CNTN5: variants seen among roughly 807,000 people sequenced by gnomAD.
CNTN5 encodes the protein contactin-5.
A neutral mutation model predicts 129.1 loss-of-function variants in CNTN5; 77 were observed. The observed-to-expected ratio is 0.60, with a 90% CI of 0.50 to 0.72. The LOEUF (loss-of-function observed/expected upper bound fraction) is 0.72. CNTN5 is among the 30% of genes least tolerant of loss of function. The pLI, the probability that CNTN5 is intolerant of heterozygous loss-of-function variation, is 0.00. For synonymous variants in CNTN5, 509 were observed against 465.6 expected (o/e 1.09, Z -1.20); for missense variants, 1,478 against 1,328.8 (o/e 1.11, Z -1.75).
intron 16 of CNTN5, among the ~76,000 whole-genome samples, chr11:100,247,277 A>T (rs1949860806): frequency 6.6e-6 from 1 of 152,192 alleles, no homozygotes. Context: ...GATAATGATG[A>T]TGGTAACAGA....
intron 3 of CNTN5, among the ~76,000 whole-genome samples, chr11:99,635,532 A>G (rs575612459): frequency 6.6e-6 from 1 of 151,872 alleles, no homozygotes; most frequent in Non-Finnish European, 1.5e-5. Flanking sequence ...TCTACTCCCT[A>G]CCTTTCTGCT....
intron 2 of CNTN5, among the ~76,000 whole-genome samples, chr11:99,517,134 T>C (rs1947086217): frequency 6.6e-6 from 1 of 152,142 alleles, no homozygotes; most frequent in Non-Finnish European, 1.5e-5. Flanking sequence ...ATCTCTCTTT[T>C]AAAGACCAGT....
chr11:100,067,479 T>C, intron 10 of CNTN5, among the ~76,000 whole-genome samples: 1 of 150,116 alleles, frequency 6.7e-6, no homozygotes, highest in Non-Finnish European at 1.5e-5. Flanking sequence ...TTTCAGGATT[T>C]TTTTTTTTTT....
chr11:99,934,131 A>G (rs1950254414), intron 7 of CNTN5, among the ~76,000 whole-genome samples: 1 of 152,078 alleles, frequency 6.6e-6, no homozygotes, highest in Admixed American at 6.6e-5. Context: ...GAATTTGGGG[A>G]CTTTATAGCA....
At chr11:100,210,555 A>T (rs1949010841) in intron 15 of CNTN5, among the ~76,000 whole-genome samples, 1 of 152,174 alleles carries the variant, frequency 6.6e-6, no homozygotes, top group Non-Finnish European at 1.5e-5. Flanking sequence ...TTGAAGATAA[A>T]AACAAAGATG....
intron 2 of CNTN5, among the ~76,000 whole-genome samples, chr11:99,419,579 G>A (rs1025412858): frequency 1.3e-5 from 2 of 152,102 alleles, no homozygotes; most frequent in Non-Finnish European, 2.9e-5. Context: ...AATGAAATTA[G>A]TGACAATACT....
At chr11:99,644,869 C>T (rs536942320) in intron 3 of CNTN5, among the ~76,000 whole-genome samples, 1 of 152,044 alleles carries the variant, frequency 6.6e-6, no homozygotes, top group Admixed American at 6.5e-5. Flanking sequence ...ACAATAAATA[C>T]AGCTTTAGAT....
chr11:99,498,217 T>C (rs2135373811), intron 2 of CNTN5, among the ~76,000 whole-genome samples: 1 of 152,288 alleles, frequency 6.6e-6, no homozygotes, highest in East Asian at 1.9e-4. Flanking sequence ...CAGTATTGAT[T>C]TTTATAATAA....
At chr11:99,846,711 A>G (rs1023783564) in intron 6 of CNTN5, among the ~76,000 whole-genome samples, 4 of 152,160 alleles carry the variant, frequency 2.6e-5, no homozygotes, top group African/African-American at 4.8e-5. Context: ...TATCATTTCT[A>G]ATTAACCCAG....
intron 7 of CNTN5, among the ~76,000 whole-genome samples, chr11:99,933,298 CTT>C (rs1950233110): frequency 1.3e-5 from 2 of 152,016 alleles, no homozygotes; most frequent in Non-Finnish European, 2.9e-5. Context: ...ACCCTTTTCT[CTT>C]TGTTTTATGT....
intron 13 of CNTN5, among the ~76,000 whole-genome samples, chr11:100,129,761 A>C (rs1408809698): frequency 3.3e-5 from 5 of 151,968 alleles, no homozygotes; most frequent in Admixed American, 3.3e-4. Context: ...TCATATTCAC[A>C]CTCTTTTCTC....
At chr11:99,592,209 G>T (rs1025307171) in intron 3 of CNTN5, among the ~76,000 whole-genome samples, 2 of 152,172 alleles carry the variant, frequency 1.3e-5, no homozygotes, top group Admixed American at 1.3e-4. Flanking sequence ...AAAGTTGACT[G>T]TTTTCAAGAT....
chr11:100,277,672 A>AT (rs925086225), intron 18 of CNTN5, among the ~76,000 whole-genome samples: 28 of 151,138 alleles, frequency 1.9e-4, no homozygotes, highest in Admixed American at 1.6e-3. Context: ...GGTTTTTTTT[A>AT]TTTTTTTTCC....
intron 3 of CNTN5, among the ~76,000 whole-genome samples, chr11:99,744,370 T>G (rs182282681): frequency 6.6e-5 from 10 of 151,738 alleles, no homozygotes; most frequent in African/African-American, 2.4e-4. Flanking sequence ...ACAAGTCTCT[T>G]AAGGACGTAA....
At chr11:99,955,377 T>G (rs1950774063) in intron 7 of CNTN5, among the ~76,000 whole-genome samples, 1 of 151,956 alleles carries the variant, frequency 6.6e-6, no homozygotes, top group Admixed American at 6.6e-5. Context: ...TTTAAATAAA[T>G]TATTAATAAA....
chr11:99,914,616 G>T (rs556820955), intron 6 of CNTN5, among the ~76,000 whole-genome samples: 9 of 152,158 alleles, frequency 5.9e-5, no homozygotes, highest in African/African-American at 1.9e-4. Context: ...CAATCCCCCA[G>T]AAAAGTAGAA....
intron 2 of CNTN5, among the ~76,000 whole-genome samples, chr11:99,433,646 A>G (rs375025514): frequency 3.3e-5 from 5 of 152,298 alleles, no homozygotes; most frequent in Non-Finnish European, 4.4e-5. Flanking sequence ...AATGAATACC[A>G]TTATGAAACA....
chr11:99,386,389 T>A (rs1045918058), intron 2 of CNTN5, among the ~76,000 whole-genome samples: 2 of 152,226 alleles, frequency 1.3e-5, no homozygotes, highest in Non-Finnish European at 2.9e-5. Flanking sequence ...AGTTATTTCT[T>A]GAACATATGC....
At chr11:99,391,936 A>G (rs924858680) in intron 2 of CNTN5, among the ~76,000 whole-genome samples, 14 of 151,972 alleles carry the variant, frequency 9.2e-5, no homozygotes, top group African/African-American at 2.9e-4. Context: ...CTCAAGAAGT[A>G]AAACAGAATT....
Sources: allele counts gnomAD v4.1 joint callset (sites outside exome capture counted in the v4.1 genomes callset), GRCh38; gene constraint gnomAD v4.1.1; transcripts MANE v1.5; gene names NCBI Gene and HGNC (gene_info 2026-07-23, HGNC 2026-07-21).